Variants in ADGRA3 observed in about 807,000 individuals in gnomAD.
ADGRA3 encodes the protein adhesion G protein-coupled receptor A3.
A neutral mutation model predicts 119.8 loss-of-function variants in ADGRA3; 56 were observed. The ratio of observed to expected loss-of-function variants is 0.47; its 90% CI spans 0.38 to 0.58. ADGRA3 has a LOEUF of 0.58. Ranked by LOEUF, ADGRA3 falls within the 20% of genes least tolerant of loss-of-function variation. ADGRA3 has a pLI of 0.00. For synonymous variants in ADGRA3, 607 were observed against 623.8 expected, an observed-to-expected ratio of 0.97 and a Z score of 0.40; for missense variants, 1,516 against 1,649.0, an observed-to-expected ratio of 0.92 and a Z score of 1.40.
chr4:22,515,120 T>A (rs1039193319), intron 1 of ADGRA3, among the ~76,000 whole-genome samples: 2 of 152,200 alleles, frequency 1.3e-5, no homozygotes, highest in African/African-American at 4.8e-5. Context: ...GTAACTTAAT[T>A]TGCAAAGAAG....
At chr4:22,401,629 C>A in intron 15 of ADGRA3, 75 bp from the exon 16 acceptor site, 1 of 1,116,044 alleles carries the variant, frequency 9.0e-7, no homozygotes, top group Admixed American at 2.4e-5. Context: ...CATCTTAATT[C>A]CAACTTCATC....
At chr4:22,513,095 AG>A (rs1254192838) in intron 1 of ADGRA3, among the ~76,000 whole-genome samples, 5 of 151,060 alleles carry the variant, frequency 3.3e-5, no homozygotes, top group African/African-American at 9.7e-5. Flanking sequence ...ACCCCTCTAC[AG>A]GGGGCCTCAT....
chr4:22,397,194 T>C lies in ADGRA3; in HGVS notation c.2481+4237A>G, dbSNP rs1577322004. 3.8e-5 allele frequency among the ~76,000 whole-genome samples: 3 copies of C among 79,304 alleles called. No homozygotes were observed. The East Asian group carries it at 1.1e-3, about 29-fold the overall frequency. 52.0% of individuals were successfully genotyped at this position (79,304 alleles called of 152,430 possible). ...GTAATTCTTTTTTTTTTTTTTTTTT[T>C]TTTTTTGAGATGGAGTCTCGCTCTG... On this transcript the variant is annotated intron_variant, in intron 16 of 18. Transcript: ENST00000334304.
At chr4:22,425,814 T>A (rs550193953) in intron 10 of ADGRA3, among the ~76,000 whole-genome samples, 2 of 152,164 alleles carry the variant, frequency 1.3e-5, no homozygotes, top group African/African-American at 4.8e-5. Context: ...TGGTTCACTT[T>A]ACAAAAAAGT....
At position 22,508,619 on chromosome 4, in the gene ADGRA3, G is replaced by A. The variant is rs143492957; in HGVS notation, c.257+6909C>T. On this transcript the variant is annotated intron_variant, in intron 1 of 18. Transcript: ENST00000334304. The stretch of plus-strand genomic sequence containing the variant: ...TGCTGGTGAGAATTCAGGCTGTGGC[G>A]TCTTGCTGGCCTACAGATTATAATC... 7.0e-4 allele frequency among the ~76,000 whole-genome samples: 106 copies of A among 152,230 alleles called. 1 individual carries two copies. The highest frequency in any genetic ancestry group is 1.2e-3 in the Non-Finnish European group (83 of 68,006).
At chr4:22,402,450 C>T (rs975820078) in intron 15 of ADGRA3, among the ~76,000 whole-genome samples, 1 of 152,066 alleles carries the variant, frequency 6.6e-6, no homozygotes, top group African/African-American at 2.4e-5. Flanking sequence ...TAGATACAAA[C>T]CCAGCAAACT....
Position 22,424,256 on chromosome 4 carries a change from T to C in ADGRA3, c.1540A>G (p.Ile514Val). 1.2e-6 allele frequency: 2 copies of C among 1,613,632 alleles called. No individual in the cohort carries two copies. The highest frequency in any genetic ancestry group is 1.7e-6 in the Non-Finnish European group (2 of 1,179,862). Residue 514 changes from isoleucine to valine, a missense_variant, in exon 11 of 19, where the codon ATT (isoleucine) becomes GTT (valine). Transcript: ENST00000334304. ...GCAATGCGCTGAAGACACTGCACAA[T>C]CCTACTGCAGGCTTTAGCTTCCCTC... Reference protein sequence around the residue: ...AQREAKACSRIVQCLQRIATY... With the variant: ...AQREAKACSRVVQCLQRIATY...
At chr4:22,494,675 T>G (rs1018347093) in intron 1 of ADGRA3, among the ~76,000 whole-genome samples, 4 of 151,972 alleles carry the variant, frequency 2.6e-5, no homozygotes, top group Non-Finnish European at 5.9e-5. Context: ...GTTTTACATT[T>G]TTTTAGTTCT....
intron 4 of ADGRA3, among the ~76,000 whole-genome samples, chr4:22,450,950 A>AT (rs1442454900): frequency 0.025 from 3,040 of 120,828 alleles, 30 homozygotes; most frequent in African/African-American, 0.041. Context: ...AAAAAAAAAA[A>AT]AATATATATA....
At chr4:22,468,490 G>A (rs557785247) in intron 2 of ADGRA3, among the ~76,000 whole-genome samples, 39 of 152,214 alleles carry the variant, frequency 2.6e-4, no homozygotes, top group Non-Finnish European at 4.1e-4. Context: ...GATGGGACTC[G>A]GTGCGGTGGT....
chr4:22,492,154 G>A (rs1358160438), intron 1 of ADGRA3, among the ~76,000 whole-genome samples: 1 of 152,136 alleles, frequency 6.6e-6, no homozygotes, highest in East Asian at 1.9e-4. Flanking sequence ...TGTCTCAGGA[G>A]GGAATGCAGG....
chr4:22,456,770 TA>T (rs1717253908), intron 3 of ADGRA3, among the ~76,000 whole-genome samples: 1 of 152,218 alleles, frequency 6.6e-6, no homozygotes, highest in Admixed American at 6.5e-5. Flanking sequence ...TGGAGAGGCC[TA>T]ATACAGCACC....
chr4:22,489,045 T>C (rs933194421), intron 1 of ADGRA3, among the ~76,000 whole-genome samples: 6 of 152,124 alleles, frequency 3.9e-5, no homozygotes, highest in African/African-American at 1.4e-4. Flanking sequence ...AAAGACATAT[T>C]TGAGACTGGG....
rs2109023983 is a variant in ADGRA3, at chr4:22,413,583, C to T, written c.2023+18G>A. ...TTATTGTCCACTGACTACAGGATAA[C>T]ATATGCCACATACAAACCTATTTTG... On this transcript the variant is annotated intron_variant, in intron 13 of 18. Coordinates refer to ENST00000334304, the MANE Select transcript of ADGRA3 (RefSeq NM_145290.4). The T allele has an allele frequency of 3.7e-6, 6 of 1,602,972 alleles. No individual in the cohort carries two copies. The highest frequency in any genetic ancestry group is 5.1e-6 in the Non-Finnish European group (6 of 1,170,052).
intron 1 of ADGRA3, among the ~76,000 whole-genome samples, chr4:22,498,844 G>T (rs1359841253): frequency 6.6e-6 from 1 of 151,976 alleles, no homozygotes; most frequent in South Asian, 2.1e-4. Flanking sequence ...AACCCGGCAG[G>T]TAGAGGTTTC....
At chr4:22,506,541 A>G (rs1476547901) in intron 1 of ADGRA3, among the ~76,000 whole-genome samples, 1 of 152,138 alleles carries the variant, frequency 6.6e-6, no homozygotes, top group Non-Finnish European at 1.5e-5. Context: ...TGACAGAGTG[A>G]GACCCTATCT....
chr4:22,468,494 C>A (rs543296657), intron 2 of ADGRA3, among the ~76,000 whole-genome samples: 1 of 152,048 alleles, frequency 6.6e-6, no homozygotes, highest in Non-Finnish European at 1.5e-5. Context: ...GGACTCGGTG[C>A]GGTGGTTCAC....
At chr4:22,497,857 T>C (rs1184613073) in intron 1 of ADGRA3, among the ~76,000 whole-genome samples, 4 of 147,282 alleles carry the variant, frequency 2.7e-5, no homozygotes, top group Non-Finnish European at 4.5e-5. Flanking sequence ...AGGTGGGGGA[T>C]TGTTTGAGCC....
At chr4:22,413,872 A>G (rs758801323) in intron 12 of ADGRA3, 58 bp from the exon 13 acceptor site, 5 of 1,132,564 alleles carry the variant, frequency 4.4e-6, no homozygotes, top group African/African-American at 1.6e-5. Flanking sequence ...GAAACCAGAA[A>G]AAAATATGTC....
Sources: gnomAD v4.1 joint callset for allele counts (sites outside exome capture counted in the v4.1 genomes callset) on GRCh38, gnomAD v4.1.1 for gene constraint, MANE v1.5 for transcripts, NCBI Gene and HGNC (gene_info 2026-07-23, HGNC 2026-07-21) for gene names.